STARD13: variants seen among roughly 807,000 people sequenced by gnomAD.
STARD13 encodes stAR-related lipid transfer protein 13.
Under a neutral mutation model 106.4 loss-of-function variants are expected in STARD13, and 62 were observed. The observed-to-expected ratio is 0.58, with a 90% CI of 0.48 to 0.72. The LOEUF (loss-of-function observed/expected upper bound fraction) is 0.72. STARD13 is among the 30% of genes least tolerant of loss of function. The pLI, the probability that STARD13 is intolerant of heterozygous loss-of-function variation, is 0.00. For missense variants in STARD13, 1,387 were observed against 1,424.0 expected, an observed-to-expected ratio of 0.97 and a Z score of 0.42; for synonymous variants, 565 against 553.0, an observed-to-expected ratio of 1.02 and a Z score of -0.31.
the STARD13 span, among the ~76,000 whole-genome samples, chr13:33,518,783 T>C: frequency 6.6e-6 from 1 of 152,266 alleles, no homozygotes; most frequent in Non-Finnish European, 1.5e-5. Flanking sequence ...CACAGTCACT[T>C]CTGCACTTTG....
chr13:33,338,056 T>A lies in STARD13; in HGVS notation c.124+12234A>T, dbSNP rs566052574. ...CGGACTCCTGACTTGTCCCCTCTTG[T>A]CCCTTCTTCAATTCTGGTAGATGTA... On this transcript the variant is annotated intron_variant, in intron 1 of 5. Coordinates refer to the STARD13 transcript ENST00000567873. Among the ~76,000 whole-genome samples, 10 of 152,288 alleles carry A rather than the reference T, an allele frequency of 6.6e-5. 1 individual carries two copies. The South Asian group carries it at 2.1e-3, about 32-fold the overall frequency.
At chr13:33,524,218 G>A in the STARD13 span, 309 of 1,272,208 alleles carry the variant, frequency 2.4e-4, no homozygotes, top group African/African-American at 4.5e-3. Context: ...AGGGGCATAT[G>A]TAAGAAAACT....
At chr13:33,506,892 C>A in the STARD13 span, among the ~76,000 whole-genome samples, 1 of 152,036 alleles carries the variant, frequency 6.6e-6, no homozygotes, top group Admixed American at 6.6e-5. Flanking sequence ...TGGGAGGATC[C>A]CTTGAACCCA....
At chr13:33,674,791 C>T in the STARD13 span, among the ~76,000 whole-genome samples, 2 of 151,960 alleles carry the variant, frequency 1.3e-5, no homozygotes, top group African/African-American at 4.8e-5. Flanking sequence ...ATTTTTGTTT[C>T]CCCCCTATTA....
intron 1 of STARD13, among the ~76,000 whole-genome samples, chr13:33,294,821 T>C (rs571541400): frequency 1.2e-4 from 19 of 152,300 alleles, no homozygotes; most frequent in African/African-American, 4.6e-4. Context: ...ATTTTCTTAA[T>C]GTTGACTCAA....
Position 33,110,783 on chromosome 13 carries a change from T to C in STARD13, c.2732A>G (p.Asn911Ser), listed in dbSNP as rs1874425528. ...ESGATFHTYLNHLIQGLQKEA... is the reference protein window; with the variant it reads ...ESGATFHTYLSHLIQGLQKEA... ...TTTCTGGAGGCCCTGGATGAGATGG[T>C]TCAGGTAAGTGTGGAAAGTTGCCCC... Residue 911 changes from asparagine (N) to serine (S), a missense_variant, in exon 11 of 14, where the codon AAC becomes AGC. Transcript: ENST00000336934. 1 of 1,614,186 alleles carries C rather than the reference T, an allele frequency of 6.2e-7. No individual in the cohort carries two copies. Among genetic ancestry groups the C allele is most frequent in the Non-Finnish European group, 8.5e-7 (1 of 1,180,018 alleles).
At position 33,129,290 on chromosome 13, in the gene STARD13, G is replaced by C. The variant is rs374912629; in HGVS notation, c.1387C>G (p.Pro463Ala). 1 of 1,614,108 alleles carries C rather than the reference G, an allele frequency of 6.2e-7. No homozygotes were observed. Residue 463 changes from proline to alanine, a missense_variant, in exon 5 of 14, where the codon CCT becomes GCT. By Grantham distance (27) the Pro-to-Ala change is conservative (BLOSUM62 -1). Coordinates refer to ENST00000336934, the MANE Select transcript of STARD13 (RefSeq NM_178006.4). ...GTGCTGGCATACAGATGGGAGCCAGGGACATTGTCATAGATACTGACTCGG... is the reference window on the plus strand; with the variant it reads ...GTGCTGGCATACAGATGGGAGCCAGCGACATTGTCATAGATACTGACTCGG... ...ASRVSIYDNV[P>A]GSHLYASTGD... is the part of the protein sequence containing the mutation.
rs1873794041 is a variant in STARD13 at position 33,106,870 on chromosome 13, C to T, written c.3112G>A (p.Glu1038Lys). Residue 1038 changes from glutamate (E) to lysine (K), a missense_variant, in exon 13 of 14, where the codon GAA becomes AAA. Physicochemically the swap from Glu to Lys is moderately conservative, Grantham distance 56. Transcript: ENST00000336934. ...CGCACACCACCCAGGAGCTGGGCTT[C>T]CTCATGCTCCACGGAGAGGGACACC... is the stretch of plus-strand genomic sequence containing the variant. ...TLVSLSVEHE[E>K]AQLLGGVRAV... 18 of 1,614,164 alleles carry T rather than the reference C, an allele frequency of 1.1e-5. No homozygotes were observed. The highest frequency in any genetic ancestry group is 1.5e-5 in the Non-Finnish European group (18 of 1,180,008).
the STARD13 span, among the ~76,000 whole-genome samples, chr13:33,540,818 G>C: frequency 6.6e-6 from 1 of 152,210 alleles, no homozygotes; most frequent in African/African-American, 2.4e-5. Flanking sequence ...CAGAAGGAAA[G>C]GGCAAAGTCA....
chr13:33,194,192 C>T (rs749303558), intron 1 of STARD13, among the ~76,000 whole-genome samples: 15 of 152,020 alleles, frequency 9.9e-5, no homozygotes, highest in South Asian at 8.3e-4. Flanking sequence ...AAAAGTCACA[C>T]GGAGAAGGCA....
chr13:33,613,124 G>C, the STARD13 span, among the ~76,000 whole-genome samples: 1 of 152,140 alleles, frequency 6.6e-6, no homozygotes, highest in Non-Finnish European at 1.5e-5. Context: ...TGAATAGGAT[G>C]GTTCCTGCCT....
At chr13:33,595,691 A>G in the STARD13 span, among the ~76,000 whole-genome samples, 1 of 152,184 alleles carries the variant, frequency 6.6e-6, no homozygotes, top group Non-Finnish European at 1.5e-5. Flanking sequence ...GGAACCAAAT[A>G]CCAAGTTATG....
chr13:33,524,221 A>G, the STARD13 span: 2 of 1,273,766 alleles, frequency 1.6e-6, no homozygotes, highest in South Asian at 2.5e-5. Flanking sequence ...GGCATATGTA[A>G]GAAAACTAAA....
chr13:33,416,600 G>A, the STARD13 span, among the ~76,000 whole-genome samples: 3,347 of 152,216 alleles, frequency 0.022, 60 homozygotes, highest in Non-Finnish European at 0.034. Flanking sequence ...TCAATAGGGG[G>A]AAAATGATAT....
At chr13:33,576,527 C>T in the STARD13 span, among the ~76,000 whole-genome samples, 1 of 152,176 alleles carries the variant, frequency 6.6e-6, no homozygotes, top group South Asian at 2.1e-4. Context: ...AGCCACCATG[C>T]CCAGCTTAAC....
the STARD13 span, among the ~76,000 whole-genome samples, chr13:33,386,765 TG>T: frequency 6.6e-6 from 1 of 152,140 alleles, no homozygotes; most frequent in East Asian, 1.9e-4. Context: ...CTGGTTCTCT[TG>T]TGGCACTGGA....
At chr13:33,414,016 G>A in the STARD13 span, among the ~76,000 whole-genome samples, 1 of 131,008 alleles carries the variant, frequency 7.6e-6, no homozygotes, top group Admixed American at 8.1e-5. Flanking sequence ...CTCAGGGACA[G>A]AGTGAGATTC....
At chr13:33,640,234 G>T in the STARD13 span, among the ~76,000 whole-genome samples, 1 of 152,160 alleles carries the variant, frequency 6.6e-6, no homozygotes, top group African/African-American at 2.4e-5. Context: ...TCTGCAAGCT[G>T]CCCGTATCTG....
chr13:33,431,338 T>C, the STARD13 span, among the ~76,000 whole-genome samples: 3 of 152,198 alleles, frequency 2.0e-5, no homozygotes, highest in African/African-American at 7.2e-5. Context: ...ATAATTTTTA[T>C]TTTGATTATA....
Sources: gnomAD v4.1 joint callset for allele counts (sites outside exome capture counted in the v4.1 genomes callset) on GRCh38, gnomAD v4.1.1 for gene constraint, MANE v1.5 for transcripts, NCBI Gene and HGNC (gene_info 2026-07-23, HGNC 2026-07-21) for gene names.